SLC44A5: variants seen among roughly 807,000 people sequenced by gnomAD.
The protein encoded by SLC44A5 is choline transporter-like protein 5.
Under a neutral mutation model 101.8 loss-of-function variants are expected in SLC44A5, and 57 were observed. The ratio of observed to expected loss-of-function variants is 0.56; its 90% confidence interval spans 0.45 to 0.70. SLC44A5 has a LOEUF of 0.70. SLC44A5 is among the 30% of genes least tolerant of loss of function. SLC44A5 has a pLI of 0.00. For missense variants in SLC44A5, 737 were observed against 853.1 expected (o/e 0.86, Z 1.70); for synonymous variants, 281 against 290.9 (o/e 0.97, Z 0.35).
intron 2 of SLC44A5, among the ~76,000 whole-genome samples, chr1:75,509,253 C>T (rs1669435342): frequency 6.6e-6 from 1 of 152,204 alleles, no homozygotes; most frequent in African/African-American, 2.4e-5. Context: ...AAACTGAAAG[C>T]TTGAGTTTGG....
At chr1:75,461,451 A>G (rs926153232) in intron 2 of SLC44A5, among the ~76,000 whole-genome samples, 1 of 152,174 alleles carries the variant, frequency 6.6e-6, no homozygotes, top group Non-Finnish European at 1.5e-5. Context: ...TAATATTATT[A>G]TGAGTGGTGT....
chr1:75,699,154 A>G, the SLC44A5 span, among the ~76,000 whole-genome samples: 66 of 152,180 alleles, frequency 4.3e-4, 1 homozygote, highest in Middle Eastern at 3.4e-3. Context: ...TACAGAGAAC[A>G]CCACAAAGAT....
chr1:75,227,684 C>A, intron 13 of SLC44A5, 42 bp downstream of exon 13: 1 of 1,488,686 alleles, frequency 6.7e-7, no homozygotes, highest in Admixed American at 2.6e-5. Flanking sequence ...GATATTTTCT[C>A]ATTATTACAA....
chr1:75,322,636 C>G (rs1413139233), intron 4 of SLC44A5, among the ~76,000 whole-genome samples: 2 of 152,158 alleles, frequency 1.3e-5, no homozygotes, highest in Admixed American at 1.3e-4. Flanking sequence ...CCAGTCTCAA[C>G]TTCCATTATC....
rs903764092 is a variant in SLC44A5 at position 75,349,070 on chromosome 1, C to A, written c.53-9440G>T. On this transcript the variant is annotated intron_variant, in intron 3 of 23. Transcript: ENST00000370859. ...AAAATATTAAAAAATAATTGCTGGG[C>A]CAGCTGTGGTGGCTCACACCTGTAA... 2.1e-4 allele frequency among the ~76,000 whole-genome samples: 32 copies of A among 152,236 alleles called. No individual in the cohort carries two copies. In the South Asian group the frequency reaches 2.9e-3, roughly 14 times the overall value.
chr1:75,276,538 T>TCC (rs1651939364), intron 5 of SLC44A5, among the ~76,000 whole-genome samples: 2 of 152,242 alleles, frequency 1.3e-5, no homozygotes, highest in East Asian at 3.9e-4. Flanking sequence ...CTTAATTATT[T>TCC]TGAGTCCTGA....
the SLC44A5 span, among the ~76,000 whole-genome samples, chr1:75,683,319 C>A: frequency 1.3e-5 from 2 of 152,050 alleles, no homozygotes; most frequent in East Asian, 1.9e-4. Flanking sequence ...ATGTTTATTG[C>A]GGCATTATTC....
intron 2 of SLC44A5, among the ~76,000 whole-genome samples, chr1:75,488,889 C>T (rs918372901): frequency 6.6e-6 from 1 of 152,080 alleles, no homozygotes; most frequent in African/African-American, 2.4e-5. Flanking sequence ...GATCTTGTTG[C>T]CCAGGCTGGA....
chr1:75,639,026 A>G, the SLC44A5 span, among the ~76,000 whole-genome samples: 1 of 152,052 alleles, frequency 6.6e-6, no homozygotes. Context: ...AGAGTAGATG[A>G]GTGATTTCCA....
At chr1:75,383,587 A>T (rs954738914) in intron 3 of SLC44A5, among the ~76,000 whole-genome samples, 3 of 152,230 alleles carry the variant, frequency 2.0e-5, no homozygotes, top group African/African-American at 7.2e-5. Flanking sequence ...TGATTGGTGT[A>T]CCTGAAAGTG....
chr1:75,516,594 T>C, intron 2 of SLC44A5, among the ~76,000 whole-genome samples: 1 of 152,178 alleles, frequency 6.6e-6, no homozygotes, highest in East Asian at 1.9e-4. Context: ...TAAGACTTTG[T>C]TCATTTATAT....
intron 2 of SLC44A5, among the ~76,000 whole-genome samples, chr1:75,479,260 C>A (rs1294190028): frequency 6.6e-6 from 1 of 152,044 alleles, no homozygotes; most frequent in Non-Finnish European, 1.5e-5. Flanking sequence ...CAGTGTGTAG[C>A]GGGAAACTTA....
At chr1:75,269,190 G>C (rs1009448357) in intron 6 of SLC44A5, among the ~76,000 whole-genome samples, 1 of 151,880 alleles carries the variant, frequency 6.6e-6, no homozygotes, top group African/African-American at 2.4e-5. Flanking sequence ...AACTGTAGTT[G>C]AACTATATTT....
At chr1:75,594,652 A>C (rs1294304580) in intron 1 of SLC44A5, among the ~76,000 whole-genome samples, 2 of 152,038 alleles carry the variant, frequency 1.3e-5, no homozygotes, top group Admixed American at 1.3e-4. Context: ...TTTATAAATA[A>C]GAAAATTAAT....
chr1:75,389,168 C>T (rs1166764040), intron 3 of SLC44A5, among the ~76,000 whole-genome samples: 2 of 152,140 alleles, frequency 1.3e-5, no homozygotes, highest in African/African-American at 2.4e-5. Flanking sequence ...CACTGGAGCA[C>T]TCAGATTCAT....
intron 3 of SLC44A5, among the ~76,000 whole-genome samples, chr1:75,345,844 T>C (rs552872603): frequency 1.3e-5 from 2 of 152,308 alleles, no homozygotes; most frequent in East Asian, 3.9e-4. Flanking sequence ...TGTGTTTATA[T>C]ATTTGATGCA....
chr1:75,673,464 C>A, the SLC44A5 span, among the ~76,000 whole-genome samples: 3 of 151,756 alleles, frequency 2.0e-5, no homozygotes, highest in African/African-American at 7.3e-5. Context: ...GACAGCATCA[C>A]TGGACCTACT....
intron 13 of SLC44A5, 140 bp downstream of exon 13, chr1:75,227,586 G>A (rs1427404398): frequency 5.4e-6 from 3 of 559,016 alleles, no homozygotes; most frequent in Non-Finnish European, 2.9e-6. Context: ...ACTGTAGTTA[G>A]AGGATTATAG....
At chr1:75,577,881 T>C (rs528042391) in intron 1 of SLC44A5, among the ~76,000 whole-genome samples, 2 of 152,334 alleles carry the variant, frequency 1.3e-5, no homozygotes, top group South Asian at 4.1e-4. Flanking sequence ...ATGTTAGTTG[T>C]TGTTTACTCA....
Sources: allele counts gnomAD v4.1 joint callset (sites outside exome capture counted in the v4.1 genomes callset), GRCh38; gene constraint gnomAD v4.1.1; transcripts MANE v1.5; gene names NCBI Gene and HGNC (gene_info 2026-07-23, HGNC 2026-07-21).